Variants in STARD13 observed in about 807,000 individuals in gnomAD.
STARD13 encodes stAR-related lipid transfer protein 13.
A neutral mutation model predicts 106.4 loss-of-function variants in STARD13; 62 were observed. That is an observed-to-expected ratio of 0.58 (90% confidence interval 0.48 to 0.72). The LOEUF is 0.72. Among genes scored for constraint, STARD13 ranks in the 30% least tolerant of loss-of-function variants. The probability of loss-of-function intolerance (pLI) is 0.00; values close to 1 mark genes in which losing one functional copy is unlikely to be tolerated. For synonymous variants in STARD13, 565 were observed against 553.0 expected, an observed-to-expected ratio of 1.02 and a Z score of -0.31; for missense variants, 1,387 against 1,424.0, an observed-to-expected ratio of 0.97 and a Z score of 0.42.
At chr13:33,117,867 C>A in intron 8 of STARD13, 198 bp downstream of exon 8, 3 of 985,268 alleles carry the variant, frequency 3.0e-6, no homozygotes, top group Non-Finnish European at 2.4e-6. Flanking sequence ...AAGGTATTTT[C>A]AAATGCATAA....
At chr13:33,318,725 A>G (rs985281537) in intron 1 of STARD13, among the ~76,000 whole-genome samples, 1 of 152,112 alleles carries the variant, frequency 6.6e-6, no homozygotes, top group Admixed American at 6.6e-5. Flanking sequence ...CAATGATAAA[A>G]AGACAAAAAA....
the STARD13 span, among the ~76,000 whole-genome samples, chr13:33,438,514 G>C: frequency 1.3e-5 from 2 of 152,200 alleles, no homozygotes. Flanking sequence ...AGTGGTCATG[G>C]ACAAAAATTA....
At chr13:33,338,902 A>G (rs574112089) in intron 1 of STARD13, among the ~76,000 whole-genome samples, 57 of 24,688 alleles carry the variant, frequency 2.3e-3, no homozygotes, top group African/African-American at 5.3e-3. Flanking sequence ...AAAAAAAAAA[A>G]AAAGAAAGAA....
the STARD13 span, among the ~76,000 whole-genome samples, chr13:33,653,407 G>T: frequency 2.6e-5 from 4 of 152,106 alleles, no homozygotes; most frequent in African/African-American, 7.2e-5. Context: ...TGACAAGAAT[G>T]CCAATGCTAT....
chr13:33,200,847 C>CT lies in STARD13; in HGVS notation c.170-33226_170-33225insA, dbSNP rs1485600898. 5.3e-5 allele frequency among the ~76,000 whole-genome samples: 8 copies of CT among 151,626 alleles called. No homozygotes were observed. The South Asian group carries it at 8.4e-4, about 16-fold the overall frequency. On this transcript the variant is annotated intron_variant, in intron 1 of 13. Coordinates refer to ENST00000336934, the MANE Select transcript of STARD13 (RefSeq NM_178006.4). ...CCATCCTGGCTAACACGGTGAAACC[C>CT]GTCTCTACTAAAAAAAAAAATACAA...
the STARD13 span, among the ~76,000 whole-genome samples, chr13:33,509,109 A>G: frequency 6.6e-6 from 1 of 152,322 alleles, no homozygotes; most frequent in African/African-American, 2.4e-5. Flanking sequence ...GCAATGCATG[A>G]CTTGACTGTA....
the STARD13 span, among the ~76,000 whole-genome samples, chr13:33,479,394 G>T: frequency 6.6e-6 from 1 of 152,052 alleles, no homozygotes; most frequent in South Asian, 2.1e-4. Context: ...CAAAAATGCA[G>T]AGACAAAAAT....
chr13:33,474,331 C>T, the STARD13 span, among the ~76,000 whole-genome samples: 1 of 152,168 alleles, frequency 6.6e-6, no homozygotes, highest in African/African-American at 2.4e-5. Context: ...AATTTTGGTA[C>T]ATAGCCTTCA....
Position 33,130,512 on chromosome 13 carries a change from A to C in STARD13, c.388-223T>G, listed in dbSNP as rs1878132956. On this transcript the variant is annotated intron_variant, in intron 4 of 13. Transcript: ENST00000336934. This position sits in a 1 kb window ranked among gnomAD's most constrained non-coding sequence, Gnocchi z 4.1. ...GCCAGAGGACCCTTCTCAACTTGCC[A>C]AACTTTCTTCCTTCCCATTTTCAAA... 6.6e-6 allele frequency among the ~76,000 whole-genome samples: 1 copy of C among 152,154 alleles called. No individual in the cohort carries two copies. The highest frequency in any genetic ancestry group is 6.5e-5 in the Admixed American group (1 of 15,280).
At chr13:33,363,511 A>G in the STARD13 span, among the ~76,000 whole-genome samples, 2 of 152,186 alleles carry the variant, frequency 1.3e-5, no homozygotes, top group African/African-American at 4.8e-5. Context: ...GGTTAGCTTA[A>G]ATCTTCATCA....
the STARD13 span, among the ~76,000 whole-genome samples, chr13:33,361,620 G>A: frequency 1.3e-5 from 2 of 152,210 alleles, no homozygotes; most frequent in Non-Finnish European, 1.5e-5. Context: ...GGCTGTACAG[G>A]AAGCATGGCT....
chr13:33,276,890 G>A (rs1204221546), intron 1 of STARD13: 3 of 152,048 alleles, frequency 2.0e-5, no homozygotes, highest in Non-Finnish European at 4.4e-5. Flanking sequence ...AAATTCTCAG[G>A]ATTCCTATGC....
At chr13:33,436,925 G>C in the STARD13 span, among the ~76,000 whole-genome samples, 1 of 152,096 alleles carries the variant, frequency 6.6e-6, no homozygotes, top group Non-Finnish European at 1.5e-5. Context: ...GTGGGTCAGG[G>C]TCATATCCTC....
the STARD13 span, among the ~76,000 whole-genome samples, chr13:33,441,325 T>C: frequency 6.6e-6 from 1 of 152,232 alleles, no homozygotes; most frequent in African/African-American, 2.4e-5. Flanking sequence ...TCTCAGCCAG[T>C]GTGATTCCTT....
intron 1 of STARD13, among the ~76,000 whole-genome samples, chr13:33,245,796 A>T (rs1203286889): frequency 6.6e-6 from 1 of 152,232 alleles, no homozygotes; most frequent in Non-Finnish European, 1.5e-5. Context: ...ATGAGAAAAC[A>T]AAGCTGCACA....
chr13:33,663,701 G>A, the STARD13 span, among the ~76,000 whole-genome samples: 1 of 152,192 alleles, frequency 6.6e-6, no homozygotes, highest in Non-Finnish European at 1.5e-5. Flanking sequence ...TTGCCCAAGT[G>A]TTCTACGACA....
the STARD13 span, among the ~76,000 whole-genome samples, chr13:33,501,496 T>C: frequency 6.6e-6 from 1 of 152,232 alleles, no homozygotes. Flanking sequence ...TAGGTTTTCT[T>C]CTAGGGTTTT....
chr13:33,166,892 G>T (rs1883372929), intron 2 of STARD13, among the ~76,000 whole-genome samples: 2 of 151,928 alleles, frequency 1.3e-5, no homozygotes, highest in Admixed American at 1.3e-4. Context: ...CTACTTGGGA[G>T]GCTGAGGCAG....
chr13:33,323,362 A>T (rs1893628229), intron 1 of STARD13, among the ~76,000 whole-genome samples: 1 of 152,218 alleles, frequency 6.6e-6, no homozygotes, highest in African/African-American at 2.4e-5. Flanking sequence ...TCAAGGAAGC[A>T]TTCTCTAACC....
Sources: gnomAD v4.1 joint callset for allele counts (sites outside exome capture counted in the v4.1 genomes callset) on GRCh38, gnomAD v4.1.1 for gene constraint, Gnocchi (gnomAD v3.1) non-coding constraint, MANE v1.5 for transcripts, NCBI Gene and HGNC (gene_info 2026-07-23, HGNC 2026-07-21) for gene names.